The following KMT2C variants were observed in gnomAD, a reference collection of about 807,000 sequenced individuals.
KMT2C encodes histone-lysine N-methyltransferase 2C.
In KMT2C, 88 loss-of-function variants were observed where a neutral mutation model predicts 507.9. That is an observed-to-expected ratio of 0.17 (90% CI 0.15 to 0.21). The LOEUF (loss-of-function observed/expected upper bound fraction) is 0.21. Ranked by LOEUF, KMT2C falls within the 10% of genes least tolerant of loss-of-function variation. The probability of loss-of-function intolerance (pLI) is 1.00; values close to 1 mark genes in which losing one functional copy is unlikely to be tolerated. For missense variants in KMT2C, 4,954 were observed against 5,957.8 expected, an observed-to-expected ratio of 0.83 and a Z score of 5.55; for synonymous variants, 2,049 against 2,080.8, an observed-to-expected ratio of 0.98 and a Z score of 0.42.
At chr7:152,368,442 G>A in intron 1 of KMT2C, 3 of 1,173,720 alleles carry the variant, frequency 2.6e-6, no homozygotes, top group Admixed American at 2.0e-5. Flanking sequence ...TAGAGATGAA[G>A]GTCAAATAAA....
At position 152,248,640 on chromosome 7, in the gene KMT2C, T is replaced by C. The variant is rs537935139; in HGVS notation, c.1814-20A>G. On this transcript the variant is annotated intron_variant, in intron 13 of 58. Coordinates refer to ENST00000262189, the MANE Select transcript of KMT2C (RefSeq NM_170606.3). ...ATGATACTACAAAATTCAGAACATTTGTTATGGCAATGTACAAACAAATTT... is the reference window on the plus strand; with the variant it reads ...ATGATACTACAAAATTCAGAACATTCGTTATGGCAATGTACAAACAAATTT... 1.3e-5 allele frequency: 20 copies of C among 1,517,430 alleles called. No individual in the cohort carries two copies. In the African/African-American group the frequency reaches 2.5e-4, roughly 19 times the overall value. 94.0% of individuals were successfully genotyped at this position (1,517,430 alleles called of 1,614,324 possible).
chr7:152,250,768 T>C (rs2129166028), intron 12 of KMT2C, 85 bp downstream of exon 12: 1 of 749,442 alleles, frequency 1.3e-6, no homozygotes. Flanking sequence ...TCTTGGCTTT[T>C]ACTGAAGTTT....
intron 6 of KMT2C, among the ~76,000 whole-genome samples, chr7:152,294,202 G>A (rs771253532): frequency 2.0e-5 from 3 of 152,104 alleles, no homozygotes; most frequent in Non-Finnish European, 4.4e-5. Context: ...ATGCCTAACG[G>A]CATTCCAAGG....
chr7:152,345,214 C>T (rs1257583745), intron 2 of KMT2C, among the ~76,000 whole-genome samples: 1 of 152,004 alleles, frequency 6.6e-6, no homozygotes, highest in Non-Finnish European at 1.5e-5. Context: ...CCAGCCTGGG[C>T]AACACAGCGA....
chr7:152,394,363 T>G (rs1343695717), intron 1 of KMT2C, among the ~76,000 whole-genome samples: 1 of 152,306 alleles, frequency 6.6e-6, no homozygotes, highest in Non-Finnish European at 1.5e-5. Flanking sequence ...ACTTCTCTTA[T>G]GATGTTTTCT....
At chr7:152,402,002 C>A (rs1387088914) in intron 1 of KMT2C, among the ~76,000 whole-genome samples, 1 of 151,986 alleles carries the variant, frequency 6.6e-6, no homozygotes, top group African/African-American at 2.4e-5. Context: ...CCTAGCTACT[C>A]GGGAGGCTGA....
At chr7:152,175,573 T>C (rs1464523476) in intron 38 of KMT2C, among the ~76,000 whole-genome samples, 1 of 150,292 alleles carries the variant, frequency 6.7e-6, no homozygotes, top group Admixed American at 6.6e-5. Flanking sequence ...CAGTGTATGG[T>C]TTTCTGTTCC....
chr7:152,240,316 C>T (rs1345777492), intron 14 of KMT2C, among the ~76,000 whole-genome samples: 3 of 152,254 alleles, frequency 2.0e-5, no homozygotes, highest in Non-Finnish European at 4.4e-5. Context: ...ATGCTCCTGA[C>T]ATCTGGCATA....
Position 152,176,501 on chromosome 7 carries a change from A to T in KMT2C, c.8952T>A (p.Ser2984=), listed in dbSNP as rs2129113159. The T allele has an allele frequency of 6.2e-7, 1 of 1,614,178 alleles. No homozygotes were observed. The highest frequency in any genetic ancestry group is 8.5e-7 in the Non-Finnish European group (1 of 1,180,036). Residue 2984 remains serine (S), a synonymous_variant, in exon 38 of 59, where the codon TCT becomes TCA. Transcript: ENST00000262189. ...GCCCTGGGTTTACCTGCACACCCTG[A>T]GAAAAAACATGGTTTACCCTAGAGA... ...TVVSRVNHVF[S]QGVQVNPGLI...
chr7:152,190,304 CTAGG>C (rs1310889520), intron 31 of KMT2C, among the ~76,000 whole-genome samples: 1 of 152,160 alleles, frequency 6.6e-6, no homozygotes, highest in Non-Finnish European at 1.5e-5. Context: ...CATACTGTAG[CTAGG>C]TATCAGTGCC....
chr7:152,263,734 T>G (rs2095818067), intron 8 of KMT2C, among the ~76,000 whole-genome samples: 1 of 152,226 alleles, frequency 6.6e-6, no homozygotes. Context: ...AATACGAACC[T>G]TGTCATAATT....
chr7:152,367,396 C>A, intron 1 of KMT2C: 1 of 688,438 alleles, frequency 1.5e-6, no homozygotes, highest in South Asian at 1.7e-5. Context: ...CACCAGCATA[C>A]AAAGTGAGAC....
chr7:152,184,240 T>C (rs2093547749), intron 34 of KMT2C, among the ~76,000 whole-genome samples: 1 of 142,868 alleles, frequency 7.0e-6, no homozygotes, highest in African/African-American at 2.5e-5. Flanking sequence ...TTAACACATC[T>C]ATATATATAT....
intron 9 of KMT2C, among the ~76,000 whole-genome samples, chr7:152,256,332 A>G (rs2095661736): frequency 6.6e-6 from 1 of 152,114 alleles, no homozygotes; most frequent in African/African-American, 2.4e-5. Flanking sequence ...CATGGCAAAA[A>G]AAAAATAATA....
At chr7:152,253,796 A>T (rs1435673242) in intron 9 of KMT2C, among the ~76,000 whole-genome samples, 1 of 152,138 alleles carries the variant, frequency 6.6e-6, no homozygotes, top group African/African-American at 2.4e-5. Context: ...TCATGTTTTT[A>T]GAATAGAGAG....
At chr7:152,314,108 T>C (rs982640655) in intron 4 of KMT2C, among the ~76,000 whole-genome samples, 4 of 152,158 alleles carry the variant, frequency 2.6e-5, no homozygotes, top group Admixed American at 6.5e-5. Context: ...TCTCCAAATA[T>C]AGTACTTCTA....
chr7:152,295,493 A>G (rs2129188655), intron 6 of KMT2C, among the ~76,000 whole-genome samples: 1 of 152,314 alleles, frequency 6.6e-6, no homozygotes, highest in Admixed American at 6.5e-5. Flanking sequence ...CCCTATGTTA[A>G]TCTACTGAAA....
At chr7:152,139,423 T>C (rs1451660917) in intron 56 of KMT2C, among the ~76,000 whole-genome samples, 164 bp from the exon 57 acceptor site, 1 of 152,214 alleles carries the variant, frequency 6.6e-6, no homozygotes, top group Non-Finnish European at 1.5e-5. Context: ...ATGGCACGAA[T>C]GGAAAGCATG....
chr7:152,321,742 C>T (rs1469536252), intron 3 of KMT2C, among the ~76,000 whole-genome samples: 1 of 151,712 alleles, frequency 6.6e-6, no homozygotes. Flanking sequence ...TACTGAAAAC[C>T]ATAAAACTCA....
Sources: gnomAD v4.1 joint callset for allele counts (sites outside exome capture counted in the v4.1 genomes callset) on GRCh38, gnomAD v4.1.1 for gene constraint, MANE v1.5 for transcripts, NCBI Gene and HGNC (gene_info 2026-07-23, HGNC 2026-07-21) for gene names.